Variants in ANK2 observed in about 807,000 individuals in gnomAD.
ANK2 encodes the protein ankyrin-2.
A neutral mutation model predicts 360.5 loss-of-function variants in ANK2; 83 were observed. That is an observed-to-expected ratio of 0.23 (90% CI 0.19 to 0.28). ANK2 has a LOEUF of 0.28. ANK2 is among the 10% of genes least tolerant of loss of function. ANK2 has a pLI of 1.00. For synonymous variants in ANK2, 1,740 were observed against 1,759.5 expected, an observed-to-expected ratio of 0.99 and a Z score of 0.28; for missense variants, 4,201 against 4,795.7, an observed-to-expected ratio of 0.88 and a Z score of 3.66.
At chr4:112,953,139 C>G (rs772076407) in intron 2 of ANK2, among the ~76,000 whole-genome samples, 1 of 152,152 alleles carries the variant, frequency 6.6e-6, no homozygotes, top group Non-Finnish European at 1.5e-5. Context: ...AGTGGGGACA[C>G]TGGGGTTCAA....
chr4:112,721,422 G>T, the ANK2 span, among the ~76,000 whole-genome samples: 1 of 151,628 alleles, frequency 6.6e-6, no homozygotes, highest in Non-Finnish European at 1.5e-5. Context: ...TATGCCTGTA[G>T]TCCTAGCTAC....
At chr4:112,973,088 A>C (rs1347319912) in intron 2 of ANK2, among the ~76,000 whole-genome samples, 1 of 151,908 alleles carries the variant, frequency 6.6e-6, no homozygotes. Context: ...CTTGGGTGAT[A>C]GGTGCTTTCA....
intron 1 of ANK2, among the ~76,000 whole-genome samples, chr4:113,148,169 T>TA (rs1018187627): frequency 2.0e-5 from 3 of 152,196 alleles, no homozygotes; most frequent in African/African-American, 4.8e-5. Context: ...TAGAACAGCA[T>TA]AAAAAATGTA....
In ANK2 at chr4:113,186,613, C is replaced by T. The variant is rs1377736731; in HGVS notation, c.187-9755C>T. ...TCTCTCTCTCTCTCTCTCTCCCTCA[C>T]TCACTCTCTATCTCTGTATTGATGA... is the stretch of plus-strand genomic sequence containing the variant. On this transcript the variant is annotated intron_variant, in intron 2 of 45. Coordinates refer to ENST00000357077, the MANE Select transcript of ANK2 (RefSeq NM_001148.6). 2.9e-5 allele frequency among the ~76,000 whole-genome samples: 4 copies of T among 139,876 alleles called. No individual in the cohort carries two copies. In the East Asian group the frequency reaches 6.7e-4, roughly 23 times the overall value. 91.8% of individuals were successfully genotyped at this position (139,876 alleles called of 152,430 possible).
chr4:113,354,054 T>A lies in ANK2; in HGVS notation c.5436T>A (p.Ser1812=), dbSNP rs773768965. 1.2e-6 allele frequency: 2 copies of A among 1,613,996 alleles called. No homozygotes were observed. Among genetic ancestry groups the A allele is most frequent in the South Asian group, 2.2e-5 (2 of 91,076 alleles). Residue 1812 remains serine, a synonymous_variant, in exon 38 of 46, where the codon TCT becomes TCA. Transcript: ENST00000357077. The part of the protein sequence containing the change: ...THRPHPAASP[S]LKSERHAPGS... ...GGCCACATCCAGCTGCGTCACCCTCTCTGAAGTCAGAGAGACATGCGCCAG... is the reference window on the plus strand; with the variant it reads ...GGCCACATCCAGCTGCGTCACCCTCACTGAAGTCAGAGAGACATGCGCCAG...
In ANK2 at chr4:113,369,705, A is replaced by G. The variant is rs2096660888; in HGVS notation, c.11510A>G (p.Glu3837Gly). Reference sequence around the variant, plus strand: ...CCCGAAGAGCCCTCAGAGCACAGAGAGGAGAGCTCTCCGCGGAAAACCAGC... The same window carrying G: ...CCCGAAGAGCCCTCAGAGCACAGAGGGGAGAGCTCTCCGCGGAAAACCAGC... ...QEPEEPSEHREESSPRKTSLV... is the reference protein window; with the variant it reads ...QEPEEPSEHRGESSPRKTSLV... The change falls in exon 43 of 46, where the codon GAG (glutamate) becomes GGG (glycine). Residue 3837 changes from glutamate (E) to glycine (G), a missense_variant. By Grantham distance (98) the Glu-to-Gly change is moderately conservative. Coordinates refer to ENST00000357077, the MANE Select transcript of ANK2 (RefSeq NM_001148.6). The G allele has an allele frequency of 6.2e-7, 1 of 1,614,114 alleles. No homozygotes were observed. Among genetic ancestry groups the G allele is most frequent in the Non-Finnish European group, 8.5e-7 (1 of 1,180,018 alleles).
In ANK2 at chr4:112,904,251, C is replaced by A. The variant is rs2084448482; in HGVS notation, c.-39-204C>A. 2.6e-5 allele frequency among the ~76,000 whole-genome samples: 4 copies of A among 152,128 alleles called. No homozygotes were observed. The South Asian group carries it at 8.3e-4, about 32-fold the overall frequency. On this transcript the variant is annotated intron_variant, in intron 1 of 30. Coordinates refer to the ANK2 transcript ENST00000503271. ...GCTATTTTTCATCTTTTATCACATT[C>A]TGTTTTGGCTACTTTACTGAACTCT... is the stretch of plus-strand genomic sequence containing the variant.
rs7662701 is a variant in ANK2 at position 112,927,165 on chromosome 4, T to G, written c.21+22651T>G. On this transcript the variant is annotated intron_variant, in intron 2 of 30. Transcript: ENST00000503271. Reference sequence around the variant, plus strand: ...CTTTGACCTGTGGGGATTATTACAATTCAAGGTGAGATTTGGGTGGGGACA... The same window carrying G: ...CTTTGACCTGTGGGGATTATTACAAGTCAAGGTGAGATTTGGGTGGGGACA... Among the ~76,000 whole-genome samples, 1,476 of 152,280 alleles carry G rather than the reference T, an allele frequency of 9.7e-3. 14 individuals are homozygous for G. The highest frequency in any genetic ancestry group is 0.025 in the African/African-American group (1,034 of 41,540).
Position 113,355,059 on chromosome 4 carries a change from T to C in ANK2, c.6441T>C (p.Asn2147=). ...SEVIKQELED[N]DKYQQFRLSE... Reference sequence around the variant, plus strand: ...TCATTAAGCAAGAGTTGGAAGACAATGACAAATACCAACAATTCCGCCTGA... The same window carrying C: ...TCATTAAGCAAGAGTTGGAAGACAACGACAAATACCAACAATTCCGCCTGA... The change falls in exon 38 of 46, where the codon AAT becomes AAC. Residue 2147 remains asparagine (N), a synonymous_variant. Transcript: ENST00000357077. The C allele has an allele frequency of 6.2e-7, 1 of 1,613,920 alleles. No homozygotes were observed. Among genetic ancestry groups the C allele is most frequent in the African/African-American group, 1.3e-5 (1 of 74,962 alleles).
In ANK2 at chr4:113,335,334, A is replaced by T. The variant is rs142122421; in HGVS notation, c.3380-512A>T. On this transcript the variant is annotated intron_variant, in intron 29 of 45. Coordinates refer to ENST00000357077, the MANE Select transcript of ANK2 (RefSeq NM_001148.6). ...CCACTGGAGTAAACTCATAAACATG[A>T]CTCTTACTCTTCCAAGATAGATTTT... Among the ~76,000 whole-genome samples, 74 of 152,046 alleles carry T rather than the reference A, an allele frequency of 4.9e-4. No homozygotes were observed. The East Asian group carries it at 0.013, about 27-fold the overall frequency.
intron 1 of ANK2, among the ~76,000 whole-genome samples, chr4:113,084,402 C>A (rs529205033): frequency 6.6e-6 from 1 of 152,258 alleles, no homozygotes; most frequent in Non-Finnish European, 1.5e-5. Context: ...AACTGAAAAT[C>A]GTCAGTGTAA....
chr4:113,047,481 A>C (rs1315432603), upstream of ANK2, among the ~76,000 whole-genome samples: 1 of 152,156 alleles, frequency 6.6e-6, no homozygotes, highest in Non-Finnish European at 1.5e-5. Flanking sequence ...GAGTAACTGA[A>C]TGTGTCCAAG....
At chr4:112,904,008 C>A (rs979593641) in intron 1 of ANK2, among the ~76,000 whole-genome samples, 1 of 152,164 alleles carries the variant, frequency 6.6e-6, no homozygotes, top group African/African-American at 2.4e-5. Context: ...GGGTAGGCCA[C>A]ACGCATCTGT....
intron 1 of ANK2, among the ~76,000 whole-genome samples, chr4:112,894,165 A>T (rs538577700): frequency 0.02 from 2,905 of 146,250 alleles, 84 homozygotes; most frequent in African/African-American, 0.068. Flanking sequence ...GGCTTCTTTT[A>T]AAAAAAAAAA....
At chr4:112,986,224 A>G (rs1410782652) in intron 2 of ANK2, among the ~76,000 whole-genome samples, 2 of 151,896 alleles carry the variant, frequency 1.3e-5, no homozygotes, top group Non-Finnish European at 2.9e-5. Context: ...TAGCTTCTAT[A>G]TATGAACAGC....
chr4:113,042,440 A>G (rs1450554086), intron 2 of ANK2, among the ~76,000 whole-genome samples: 1 of 152,110 alleles, frequency 6.6e-6, no homozygotes, highest in Non-Finnish European at 1.5e-5. Flanking sequence ...ATTTATCGCT[A>G]TATATCCTGT....
chr4:113,358,663 C>T lies in ANK2; in HGVS notation c.10045C>T (p.Pro3349Ser). Reference sequence around the variant, plus strand: ...TGAAGCAAAACCAAAGTCCAAACTCCCTGTCAAAGTACCCCTCCAAAGAGT... The same window carrying T: ...TGAAGCAAAACCAAAGTCCAAACTCTCTGTCAAAGTACCCCTCCAAAGAGT... ...ADEAKPKSKL[P>S]VKVPLQRVEQ... The change falls in exon 38 of 46, where the codon CCT (proline) becomes TCT (serine). Residue 3349 changes from proline to serine, a missense_variant. By Grantham distance (74) the Pro-to-Ser change is moderately conservative. This residue lies in a region of ANK2 where 2,642 missense variants were observed against 2,714.5 expected (regional missense o/e 0.97). Transcript: ENST00000357077. The T allele has an allele frequency of 1.2e-6, 2 of 1,613,994 alleles. No individual in the cohort carries two copies. Among genetic ancestry groups the T allele is most frequent in the Non-Finnish European group, 1.7e-6 (2 of 1,179,948 alleles).
chr4:113,025,845 G>A (rs1282684064), intron 2 of ANK2, among the ~76,000 whole-genome samples: 1 of 152,146 alleles, frequency 6.6e-6, no homozygotes, highest in Non-Finnish European at 1.5e-5. Context: ...CTAATGTGGA[G>A]GAATGGCTGC....
chr4:113,340,021 T>C (rs1187574290), intron 32 of ANK2, among the ~76,000 whole-genome samples: 2 of 152,218 alleles, frequency 1.3e-5, no homozygotes, highest in Non-Finnish European at 2.9e-5. Flanking sequence ...TAAAAGTGCA[T>C]GAATAGTTAA....
Sources: gnomAD v4.1 joint callset for allele counts (sites outside exome capture counted in the v4.1 genomes callset) on GRCh38, gnomAD v4.1.1 for gene constraint, gnomAD v4.1.1 regional missense constraint, MANE v1.5 for transcripts, NCBI Gene and HGNC (gene_info 2026-07-23, HGNC 2026-07-21) for gene names.